Variants in SYT1 observed in about 807,000 individuals in gnomAD.
SYT1 encodes the protein synaptotagmin-1.
Under a neutral mutation model 44.8 loss-of-function variants are expected in SYT1, and 8 were observed. The observed-to-expected ratio is 0.18, with a 90% CI of 0.10 to 0.32. The LOEUF is 0.32. SYT1 is among the 10% of genes least tolerant of loss of function. The pLI is 1.00. For synonymous variants in SYT1, 154 were observed against 188.8 expected, an observed-to-expected ratio of 0.82 and a Z score of 1.51; for missense variants, 286 against 509.3, an observed-to-expected ratio of 0.56 and a Z score of 4.22.
At chr12:79,313,273 T>C (rs535690279) in intron 8 of SYT1, among the ~76,000 whole-genome samples, 3 of 152,348 alleles carry the variant, frequency 2.0e-5, no homozygotes, top group Admixed American at 2.0e-4. Context: ...TATTGAACTT[T>C]CTAATTCTAT....
At chr12:79,005,244 A>G (rs1213347824) in intron 2 of SYT1, among the ~76,000 whole-genome samples, 4 of 151,922 alleles carry the variant, frequency 2.6e-5, no homozygotes, top group South Asian at 2.1e-4. Flanking sequence ...ATATATCTGA[A>G]CCTATTTATT....
chr12:79,442,976 G>A (rs893771796), intron 9 of SYT1, among the ~76,000 whole-genome samples: 3 of 152,038 alleles, frequency 2.0e-5, no homozygotes, highest in African/African-American at 7.2e-5. Context: ...ATGAAAAAAT[G>A]TTTAAGAAAA....
intron 3 of SYT1, among the ~76,000 whole-genome samples, chr12:79,060,207 CT>C (rs1471930784): frequency 1.3e-5 from 2 of 152,040 alleles, no homozygotes; most frequent in African/African-American, 4.8e-5. Context: ...TGTTCCCTTA[CT>C]TTTTTTCAGA....
At chr12:79,425,908 A>G (rs1166540623) in intron 9 of SYT1, among the ~76,000 whole-genome samples, 2 of 152,136 alleles carry the variant, frequency 1.3e-5, no homozygotes, top group Non-Finnish European at 2.9e-5. Flanking sequence ...GGACACAGAG[A>G]GCTTTTCCAT....
At chr12:79,416,149 C>A (rs1287394638) in intron 9 of SYT1, among the ~76,000 whole-genome samples, 2 of 152,058 alleles carry the variant, frequency 1.3e-5, no homozygotes, top group Non-Finnish European at 2.9e-5. Flanking sequence ...AGAGAGGGAA[C>A]CACGAAGGCC....
intron 4 of SYT1, 133 bp downstream of exon 4, chr12:79,217,818 C>A: frequency 1.7e-6 from 1 of 594,544 alleles, no homozygotes; most frequent in Non-Finnish European, 2.5e-6. Flanking sequence ...ATGATAGTAT[C>A]CCAATATAAA....
chr12:79,298,468 T>C (rs1175366291), intron 7 of SYT1, among the ~76,000 whole-genome samples: 1 of 152,116 alleles, frequency 6.6e-6, no homozygotes, highest in African/African-American at 2.4e-5. Context: ...TGAGAAATGT[T>C]TGCTGAAGCA....
At chr12:79,417,234 C>T (rs779089065) in intron 9 of SYT1, among the ~76,000 whole-genome samples, 10 of 152,080 alleles carry the variant, frequency 6.6e-5, no homozygotes, top group Non-Finnish European at 1.3e-4. Context: ...TGAGAGTTTG[C>T]GTTTTCTGTT....
chr12:78,891,133 A>G (rs1469940610), intron 1 of SYT1, among the ~76,000 whole-genome samples: 1 of 151,884 alleles, frequency 6.6e-6, no homozygotes, highest in Admixed American at 6.6e-5. Context: ...TCAGATCATT[A>G]GGCACAAAAT....
At chr12:79,236,300 A>G (rs376832197) in intron 4 of SYT1, among the ~76,000 whole-genome samples, 6 of 152,140 alleles carry the variant, frequency 3.9e-5, no homozygotes, top group South Asian at 2.1e-4. Context: ...AAACCTCTCT[A>G]TAGTTTAACC....
intron 3 of SYT1, among the ~76,000 whole-genome samples, chr12:79,169,111 A>G (rs1328527916): frequency 6.6e-6 from 1 of 152,032 alleles, no homozygotes. Flanking sequence ...GATTTTCTCC[A>G]TTTGCAAATG....
intron 3 of SYT1, among the ~76,000 whole-genome samples, chr12:79,057,470 A>C (rs545888127): frequency 6.6e-6 from 1 of 152,064 alleles, no homozygotes; most frequent in Admixed American, 6.6e-5. Context: ...AATTCTTAGC[A>C]GTAGTTTTGC....
chr12:79,392,688 A>T (rs1884705523), intron 9 of SYT1: 2 of 152,086 alleles, frequency 1.3e-5, no homozygotes, highest in Non-Finnish European at 2.9e-5. Context: ...ATGAAGATTA[A>T]TCTGGTCCAG....
chr12:79,112,634 A>G (rs1879077762), intron 3 of SYT1, among the ~76,000 whole-genome samples: 1 of 152,150 alleles, frequency 6.6e-6, no homozygotes, highest in South Asian at 2.1e-4. Context: ...TAATTACACC[A>G]TTGTATCTCA....
rs1359742173 is a variant in SYT1, at chr12:79,395,458, A to T, written c.928+41839A>T. ...GGTCTTGAACTCCTGACCTCAAGTGATCCTCCAGCCTTGACCTCCCAAAGT... is the reference window on the plus strand; with the variant it reads ...GGTCTTGAACTCCTGACCTCAAGTGTTCCTCCAGCCTTGACCTCCCAAAGT... On this transcript the variant is annotated intron_variant, in intron 9 of 10. Transcript: ENST00000261205. Among the ~76,000 whole-genome samples, 3 of 152,130 alleles carry T rather than the reference A, an allele frequency of 2.0e-5. No homozygotes were observed. The East Asian group carries it at 5.8e-4, about 29-fold the overall frequency.
chr12:78,983,891 C>A (rs1477404363), intron 2 of SYT1, among the ~76,000 whole-genome samples: 3 of 151,988 alleles, frequency 2.0e-5, no homozygotes, highest in East Asian at 3.9e-4. Flanking sequence ...ACCTCTCTGA[C>A]AGCATTAACA....
chr12:79,100,242 G>T (rs1288079744), intron 3 of SYT1, among the ~76,000 whole-genome samples: 1 of 152,080 alleles, frequency 6.6e-6, no homozygotes. Flanking sequence ...ATGAGGAAAA[G>T]AGGTAACTAA....
intron 2 of SYT1, among the ~76,000 whole-genome samples, chr12:79,040,691 C>A (rs1264672179): frequency 1.3e-5 from 2 of 152,092 alleles, no homozygotes; most frequent in African/African-American, 2.4e-5. Context: ...GACATGAAGT[C>A]CTTGCCCATG....
chr12:78,907,958 A>G (rs1472996571), intron 1 of SYT1, among the ~76,000 whole-genome samples: 1 of 152,028 alleles, frequency 6.6e-6, no homozygotes, highest in Non-Finnish European at 1.5e-5. Flanking sequence ...TTTTTCTCCA[A>G]ACATTTTCTA....
Sources: gnomAD v4.1 joint callset for allele counts (sites outside exome capture counted in the v4.1 genomes callset) on GRCh38, gnomAD v4.1.1 for gene constraint, MANE v1.5 for transcripts, NCBI Gene and HGNC (gene_info 2026-07-23, HGNC 2026-07-21) for gene names.